The following C8orf34 variants were observed in gnomAD, a reference collection of about 807,000 sequenced individuals.
The protein encoded by C8orf34 is chromosome 8 open reading frame 34.
A neutral mutation model predicts 68.3 loss-of-function variants in C8orf34; 65 were observed. The observed-to-expected ratio is 0.95, with a 90% CI of 0.78 to 1.17. The LOEUF (loss-of-function observed/expected upper bound fraction) is 1.17. Ranked by LOEUF, C8orf34 falls within the 50% of genes most tolerant of loss-of-function variation. The probability of loss-of-function intolerance (pLI) is 0.00; values close to 1 mark genes in which losing one functional copy is unlikely to be tolerated. For missense variants in C8orf34, 664 were observed against 655.4 expected, an observed-to-expected ratio of 1.01 and a Z score of -0.14; for synonymous variants, 244 against 241.2, an observed-to-expected ratio of 1.01 and a Z score of -0.11.
chr8:68,356,068 G>C (rs77548498), intron 1 of C8orf34, among the ~76,000 whole-genome samples: 20 of 152,044 alleles, frequency 1.3e-4, no homozygotes, highest in Admixed American at 6.6e-5. Context: ...TAAATTGCTT[G>C]TATCTTCATG....
At chr8:68,600,562 G>T (rs1817669965) in intron 7 of C8orf34, among the ~76,000 whole-genome samples, 1 of 151,922 alleles carries the variant, frequency 6.6e-6, no homozygotes, top group African/African-American at 2.4e-5. Flanking sequence ...GTCTTTATTT[G>T]CCCTCTATTC....
chr8:68,557,792 A>G (rs1419781343), intron 7 of C8orf34, among the ~76,000 whole-genome samples: 1 of 152,204 alleles, frequency 6.6e-6, no homozygotes, highest in Non-Finnish European at 1.5e-5. Context: ...TCACTCTGTA[A>G]TAACAAAGAT....
intron 6 of C8orf34, among the ~76,000 whole-genome samples, chr8:68,523,111 A>G (rs1181365475): frequency 6.6e-6 from 1 of 152,206 alleles, no homozygotes; most frequent in Non-Finnish European, 1.5e-5. Context: ...TTATTTAAAT[A>G]GTTGAAGTGT....
At chr8:68,356,199 A>G (rs766550925) in intron 1 of C8orf34, among the ~76,000 whole-genome samples, 39 of 152,266 alleles carry the variant, frequency 2.6e-4, no homozygotes, top group Non-Finnish European at 4.4e-4. Flanking sequence ...TGTGAATATC[A>G]TTTGTCACTA....
At chr8:68,544,943 TGAAA>T (rs1190891147) in intron 7 of C8orf34, among the ~76,000 whole-genome samples, 2 of 152,030 alleles carry the variant, frequency 1.3e-5, no homozygotes, top group Non-Finnish European at 2.9e-5. Flanking sequence ...ATGCAGATAA[TGAAA>T]GAAAAATAAT....
intron 3 of C8orf34, among the ~76,000 whole-genome samples, chr8:68,464,492 G>A (rs1202522450): frequency 6.6e-6 from 1 of 151,766 alleles, no homozygotes; most frequent in African/African-American, 2.4e-5. Flanking sequence ...GCATCGCCAA[G>A]TCAATCCTAA....
intron 8 of C8orf34, among the ~76,000 whole-genome samples, chr8:68,649,905 T>C (rs1819293538): frequency 6.6e-6 from 1 of 152,134 alleles, no homozygotes; most frequent in Non-Finnish European, 1.5e-5. Flanking sequence ...AATTTTTGCC[T>C]ATGGGGTTAT....
intron 10 of C8orf34, among the ~76,000 whole-genome samples, chr8:68,741,112 G>A (rs1052333331): frequency 4.6e-5 from 7 of 152,068 alleles, no homozygotes; most frequent in African/African-American, 1.7e-4. Context: ...GAGAGGATCA[G>A]TAAAAATGGG....
chr8:68,800,301 C>T (rs962300024), intron 12 of C8orf34, among the ~76,000 whole-genome samples: 3 of 152,228 alleles, frequency 2.0e-5, no homozygotes, highest in Admixed American at 2.0e-4. Context: ...TGCACTAGTC[C>T]TATCTCAAAG....
intron 7 of C8orf34, among the ~76,000 whole-genome samples, chr8:68,568,067 G>A (rs1816650169): frequency 6.6e-6 from 1 of 151,978 alleles, no homozygotes; most frequent in Non-Finnish European, 1.5e-5. Flanking sequence ...GCTAGTTTGG[G>A]GGAGCAGTTG....
At chr8:68,500,440 C>T (rs986925140) in intron 5 of C8orf34, among the ~76,000 whole-genome samples, 1 of 152,132 alleles carries the variant, frequency 6.6e-6, no homozygotes, top group African/African-American at 2.4e-5. Flanking sequence ...TTACCATGAA[C>T]AACAGTATTC....
intron 1 of C8orf34, among the ~76,000 whole-genome samples, chr8:68,417,023 G>A (rs1222572803): frequency 1.3e-5 from 2 of 152,072 alleles, no homozygotes; most frequent in Non-Finnish European, 2.9e-5. Flanking sequence ...GGTATTATAT[G>A]GGTTGAGCTT....
At chr8:68,585,195 A>C (rs565615465) in intron 7 of C8orf34, among the ~76,000 whole-genome samples, 1 of 152,310 alleles carries the variant, frequency 6.6e-6, no homozygotes, top group African/African-American at 2.4e-5. Context: ...AATGTTAAAA[A>C]ATTAGAAGTA....
At chr8:68,541,597 A>G (rs1052120963) in intron 7 of C8orf34, among the ~76,000 whole-genome samples, 1 of 152,184 alleles carries the variant, frequency 6.6e-6, no homozygotes, top group African/African-American at 2.4e-5. Flanking sequence ...AGACCATAGA[A>G]GTTTGGCCTT....
At chr8:68,594,907 C>T (rs1817498817) in intron 7 of C8orf34, among the ~76,000 whole-genome samples, 1 of 151,850 alleles carries the variant, frequency 6.6e-6, no homozygotes, top group African/African-American at 2.4e-5. Context: ...TTTAATCCTG[C>T]TGGCTTTCTG....
At chr8:68,379,383 CAAAG>C (rs1386918722) in intron 1 of C8orf34, among the ~76,000 whole-genome samples, 1 of 152,172 alleles carries the variant, frequency 6.6e-6, no homozygotes, top group East Asian at 1.9e-4. Context: ...TCCTTTCCCA[CAAAG>C]AAAGAATGTC....
At chr8:68,633,463 C>G (rs1818750100) in intron 7 of C8orf34, among the ~76,000 whole-genome samples, 2 of 152,152 alleles carry the variant, frequency 1.3e-5, no homozygotes, top group African/African-American at 4.8e-5. Flanking sequence ...ACTTACTAGA[C>G]AGTTCAATTT....
chr8:68,719,762 C>T (rs1821615304), intron 9 of C8orf34, among the ~76,000 whole-genome samples: 2 of 151,530 alleles, frequency 1.3e-5, no homozygotes, highest in African/African-American at 2.4e-5. Flanking sequence ...TTTTACTGTC[C>T]TATATATGAA....
At chr8:68,463,471 G>A (rs550702286) in intron 3 of C8orf34, among the ~76,000 whole-genome samples, 123 of 152,036 alleles carry the variant, frequency 8.1e-4, no homozygotes, top group African/African-American at 2.7e-3. Flanking sequence ...TACCAAAGCC[G>A]GGCAGAGACA....
Sources: gnomAD v4.1 joint callset for allele counts (sites outside exome capture counted in the v4.1 genomes callset) on GRCh38, gnomAD v4.1.1 for gene constraint, MANE v1.5 for transcripts, NCBI Gene and HGNC (gene_info 2026-07-23, HGNC 2026-07-21) for gene names.